The following PALLD variants were observed in gnomAD, a reference collection of about 807,000 sequenced individuals.
PALLD encodes the protein palladin.
PALLD carries 61 observed loss-of-function variants against 123.5 expected under a neutral mutation model. The ratio of observed to expected loss-of-function variants is 0.49; its 90% CI spans 0.40 to 0.61. The LOEUF is 0.61. Among genes scored for constraint, PALLD ranks in the 20% least tolerant of loss-of-function variants. PALLD has a pLI of 0.00. For synonymous variants in PALLD, 465 were observed against 496.4 expected (o/e 0.94, Z 0.84); for missense variants, 1,273 against 1,377.0 (o/e 0.92, Z 1.20).
At chr4:168,743,478 C>G (rs1050535693) in intron 10 of PALLD, among the ~76,000 whole-genome samples, 4 of 152,022 alleles carry the variant, frequency 2.6e-5, no homozygotes, top group Non-Finnish European at 5.9e-5. Flanking sequence ...TGTTTCCTGT[C>G]CTATCACTAG....
chr4:168,598,347 G>T, intron 2 of PALLD: 1 of 549,190 alleles, frequency 1.8e-6, no homozygotes, highest in Non-Finnish European at 3.6e-6. Flanking sequence ...TTCAAGACTT[G>T]CCATGGGAAC....
chr4:168,617,489 C>T (rs1330264536), intron 2 of PALLD, among the ~76,000 whole-genome samples: 6 of 152,094 alleles, frequency 3.9e-5, no homozygotes, highest in Non-Finnish European at 8.8e-5. Flanking sequence ...CCTGGGTCAC[C>T]AGAACAAGAC....
At chr4:168,698,244 G>A (rs927686448) in intron 8 of PALLD, among the ~76,000 whole-genome samples, 1 of 152,030 alleles carries the variant, frequency 6.6e-6, no homozygotes, top group Admixed American at 6.6e-5. Context: ...ATGGTTAATT[G>A]GTACAAAAAT....
intron 10 of PALLD, among the ~76,000 whole-genome samples, chr4:168,834,028 T>A (rs1476153984): frequency 6.6e-6 from 1 of 150,610 alleles, no homozygotes; most frequent in Non-Finnish European, 1.5e-5. Flanking sequence ...TTATTTTTTT[T>A]ACTGATTCTT....
intron 2 of PALLD, among the ~76,000 whole-genome samples, chr4:168,666,622 T>A (rs1779684072): frequency 6.6e-6 from 1 of 151,970 alleles, no homozygotes; most frequent in Admixed American, 6.6e-5. Flanking sequence ...AAACAGAGGA[T>A]TAGTATAAGA....
chr4:168,779,044 G>A (rs1735548423), intron 10 of PALLD, among the ~76,000 whole-genome samples: 1 of 152,130 alleles, frequency 6.6e-6, no homozygotes, highest in African/African-American at 2.4e-5. Flanking sequence ...TTATGAAATC[G>A]TGACATGATT....
At chr4:168,499,399 G>T (rs998130452) in intron 1 of PALLD, among the ~76,000 whole-genome samples, 3 of 150,966 alleles carry the variant, frequency 2.0e-5, no homozygotes, top group African/African-American at 4.9e-5. Context: ...TTAGTCTAGG[G>T]GGGTTGCCTG....
At chr4:168,793,783 A>G (rs951983483) in intron 10 of PALLD, among the ~76,000 whole-genome samples, 1 of 152,152 alleles carries the variant, frequency 6.6e-6, no homozygotes, top group Non-Finnish European at 1.5e-5. Flanking sequence ...CTTTCTCTGC[A>G]CTGGGTGAAA....
intron 2 of PALLD, among the ~76,000 whole-genome samples, chr4:168,626,970 T>A (rs752228694): frequency 1.3e-5 from 2 of 152,176 alleles, no homozygotes; most frequent in African/African-American, 2.4e-5. Flanking sequence ...AGTCATTCAA[T>A]AGGTACAGCA....
chr4:168,777,107 C>G (rs1288090378), intron 10 of PALLD, among the ~76,000 whole-genome samples: 4 of 149,316 alleles, frequency 2.7e-5, no homozygotes, highest in Non-Finnish European at 4.4e-5. Flanking sequence ...CACATATACA[C>G]ACACACACAC....
chr4:168,865,456 G>A (rs1184278473), intron 10 of PALLD, among the ~76,000 whole-genome samples: 4 of 152,166 alleles, frequency 2.6e-5, no homozygotes, highest in African/African-American at 9.7e-5. Flanking sequence ...ACTATCAATG[G>A]TAGACTTGTA....
chr4:168,750,822 T>C (rs1026007285), intron 10 of PALLD, among the ~76,000 whole-genome samples: 1 of 152,202 alleles, frequency 6.6e-6, no homozygotes, highest in African/African-American at 2.4e-5. Flanking sequence ...CTAATACTTC[T>C]AACTGGAATT....
chr4:168,912,241 G>A (rs1188425831), intron 15 of PALLD, among the ~76,000 whole-genome samples: 1 of 152,156 alleles, frequency 6.6e-6, no homozygotes, highest in East Asian at 1.9e-4. Flanking sequence ...GACAGCCAAT[G>A]GGAGAATTTT....
At position 168,869,682 on chromosome 4, in the gene PALLD, T is replaced by C. The variant is rs975443893; in HGVS notation, c.1965-21240T>C. Among the ~76,000 whole-genome samples, 1 of 152,150 alleles carries C rather than the reference T, an allele frequency of 6.6e-6. No individual in the cohort carries two copies. On this transcript the variant is annotated intron_variant, in intron 10 of 21. Coordinates refer to ENST00000505667, the MANE Select transcript of PALLD (RefSeq NM_001166108.2). The surrounding 1 kb of genome is among the most constrained non-coding windows in gnomAD (Gnocchi z 4.5). ...AATTATGGGTATCTTAAATATCAGA[T>C]ATTATTTTAGGGAGACAAGTTAGAT...
chr4:168,590,214 C>T (rs961408959), intron 2 of PALLD, among the ~76,000 whole-genome samples: 33 of 152,104 alleles, frequency 2.2e-4, no homozygotes, highest in African/African-American at 6.8e-4. Context: ...TGGTGGCAGT[C>T]GCCTATAATC....
intron 10 of PALLD, among the ~76,000 whole-genome samples, chr4:168,766,713 GA>G (rs1268349904): frequency 1.4e-4 from 21 of 152,226 alleles, no homozygotes; most frequent in African/African-American, 5.1e-4. Flanking sequence ...CGACCTTCGG[GA>G]GAAGTCACTG....
At chr4:168,922,667 ATG>A (rs1210180233) in intron 18 of PALLD, among the ~76,000 whole-genome samples, 2 of 152,244 alleles carry the variant, frequency 1.3e-5, no homozygotes, top group East Asian at 3.8e-4. Context: ...TCACATAAAA[ATG>A]TGGTAAATAT....
intron 10 of PALLD, among the ~76,000 whole-genome samples, chr4:168,842,491 C>T (rs143366476): frequency 3.9e-4 from 60 of 152,246 alleles, no homozygotes; most frequent in Non-Finnish European, 7.6e-4. Flanking sequence ...ACTTGCAGAC[C>T]TCTTGCTTTG....
chr4:168,598,340 A>G (rs931736443), intron 2 of PALLD: 2 of 534,172 alleles, frequency 3.7e-6, no homozygotes, highest in African/African-American at 3.9e-5. Context: ...TTTGCTATTC[A>G]AGACTTGCCA....
Sources: allele counts gnomAD v4.1 joint callset (sites outside exome capture counted in the v4.1 genomes callset), GRCh38; gene constraint gnomAD v4.1.1; non-coding constraint Gnocchi (gnomAD v3.1); transcripts MANE v1.5; gene names NCBI Gene and HGNC (gene_info 2026-07-23, HGNC 2026-07-21).